Variants in PARVB observed in about 807,000 individuals in gnomAD.
PARVB encodes parvin beta.
Under a neutral mutation model 47.0 loss-of-function variants are expected in PARVB, and 46 were observed. The ratio of observed to expected loss-of-function variants is 0.98; its 90% CI spans 0.77 to 1.25. The LOEUF (loss-of-function observed/expected upper bound fraction) is 1.25, where lower values mean the gene tolerates loss of function less well. Among genes scored for constraint, PARVB ranks in the 50% most tolerant of loss-of-function variants. The probability of loss-of-function intolerance (pLI) is 0.00; values close to 1 mark genes in which losing one functional copy is unlikely to be tolerated. For synonymous variants in PARVB, 196 were observed against 196.3 expected (o/e 1.00, Z 0.01); for missense variants, 473 against 471.6 (o/e 1.00, Z -0.03).
chr22:44,009,460 T>C (rs1412280962), intron 2 of PARVB: 1 of 152,180 alleles, frequency 6.6e-6, no homozygotes, highest in Non-Finnish European at 1.5e-5. Context: ...CAACTTGTTA[T>C]TTTTTTGTAC....
rs778282382 is a variant in PARVB, at chr22:44,069,181, G to A, written c.113-24747G>A. On this transcript the variant is annotated intron_variant, in intron 1 of 12. Coordinates refer to ENST00000338758, the MANE Select transcript of PARVB (RefSeq NM_013327.5). ...CTCGCCAGTGAGTTCTGTTGCTTTC[G>A]TATCATTTTCAGCAGGAGCTAAACC... The A allele has an allele frequency of 4.7e-5, 75 of 1,606,762 alleles. No homozygotes were observed. The South Asian group carries it at 5.6e-4, about 12-fold the overall frequency.
chr22:44,020,732 C>T (rs2050637884), upstream of PARVB, among the ~76,000 whole-genome samples: 1 of 152,048 alleles, frequency 6.6e-6, no homozygotes, highest in South Asian at 2.1e-4. Flanking sequence ...GTGCACCACC[C>T]TCAGGAACCT....
At chr22:44,141,539 G>A (rs1290418357) in intron 8 of PARVB, 1 of 152,184 alleles carries the variant, frequency 6.6e-6, no homozygotes, top group African/African-American at 2.4e-5. Context: ...CCTGGATTAA[G>A]GGTGGTCTGC....
intron 1 of PARVB, among the ~76,000 whole-genome samples, chr22:44,030,164 T>C (rs73888820): frequency 0.034 from 5,239 of 152,284 alleles, 245 homozygotes; most frequent in East Asian, 0.098. Flanking sequence ...GGGCCTGCAC[T>C]GCCCCCGCCT....
chr22:44,132,963 C>T lies in PARVB; in HGVS notation c.587C>T (p.Pro196Leu), dbSNP rs1319168534. ...LVSLAMHFRAPIRLPEHVTVQ... is the reference protein window; with the variant it reads ...LVSLAMHFRALIRLPEHVTVQ... ...TCTCTGGCCATGCACTTCAGGGCCC[C>T]CATCCGCCTTCCTGAGCATGTAACG... is the stretch of plus-strand genomic sequence containing the variant. The change falls in exon 6 of 13, where the codon CCC (proline) becomes CTC (leucine). Residue 196 changes from proline (P) to leucine (L), a missense_variant. By Grantham distance (98) the Pro-to-Leu change is moderately conservative. Transcript: ENST00000338758. 1 of 1,614,114 alleles carries T rather than the reference C, an allele frequency of 6.2e-7. No individual in the cohort carries two copies. The highest frequency in any genetic ancestry group is 8.5e-7 in the Non-Finnish European group (1 of 1,179,994).
At chr22:44,152,084 C>T (rs1277519719) in intron 10 of PARVB, 1 of 153,852 alleles carries the variant, frequency 6.5e-6, no homozygotes, top group Non-Finnish European at 1.4e-5. Flanking sequence ...CTATGTAAAC[C>T]CTGTTTCCAG....
chr22:44,077,757 A>G (rs1365781803), intron 1 of PARVB, among the ~76,000 whole-genome samples: 4 of 152,010 alleles, frequency 2.6e-5, no homozygotes, highest in Non-Finnish European at 5.9e-5. Context: ...CTTCTGAGAC[A>G]GTGTCTCATT....
chr22:44,129,735 T>C (rs1329219239), intron 4 of PARVB, among the ~76,000 whole-genome samples: 1 of 152,226 alleles, frequency 6.6e-6, no homozygotes, highest in East Asian at 1.9e-4. Context: ...GGGAATCGTT[T>C]CCACTCCCCT....
At chr22:44,083,757 G>T (rs915949161) in intron 1 of PARVB, among the ~76,000 whole-genome samples, 2 of 152,064 alleles carry the variant, frequency 1.3e-5, no homozygotes, top group Admixed American at 1.3e-4. Context: ...AACAGTCATC[G>T]GGTACCACTA....
At position 44,163,835 on chromosome 22, in the gene PARVB, G is replaced by T. The variant is rs945089788; in HGVS notation, c.946-23G>T. 1.9e-6 allele frequency: 3 copies of T among 1,597,246 alleles called. No individual in the cohort carries two copies. The Admixed American group carries it at 5.1e-5, about 27-fold the overall frequency. On this transcript the variant is annotated intron_variant, in intron 11 of 12. Coordinates refer to ENST00000338758, the MANE Select transcript of PARVB (RefSeq NM_013327.5). ...GGAACGACTGTTGGACCCTAACGCT[G>T]ACCCACCCCCCTTCCTTGGCAGGTC...
intron 1 of PARVB, among the ~76,000 whole-genome samples, chr22:44,031,823 G>A (rs2267599): frequency 0.23 from 34,455 of 151,982 alleles, 4,922 homozygotes; most frequent in African/African-American, 0.41. Flanking sequence ...TAAGTGCTCC[G>A]TTGGATTGAT....
At chr22:44,074,833 C>T (rs916680117) in intron 1 of PARVB, among the ~76,000 whole-genome samples, 1 of 152,238 alleles carries the variant, frequency 6.6e-6, no homozygotes, top group African/African-American at 2.4e-5. Flanking sequence ...GGAGTCATCC[C>T]CTGCCCCTGG....
rs201563591 is a variant in PARVB at position 44,055,074 on chromosome 22, G to GA, written c.112+30632dup. Among the ~76,000 whole-genome samples the GA allele has an allele frequency of 1.8e-3, 257 of 142,612 alleles. 1 individual carries two copies. Among genetic ancestry groups the GA allele is most frequent in the South Asian group, 6.0e-3 (26 of 4,358 alleles). 93.6% of individuals were successfully genotyped at this position (142,612 alleles called of 152,430 possible). A position where few individuals can be genotyped will look rare whatever the true frequency, so the allele number is the denominator to read the frequency against. ...TGTACCTTACTACAATTGAAAGAAT[G>GA]AAAAAAAAATACTGGGAAATACATT... is the stretch of plus-strand genomic sequence containing the variant. On this transcript the variant is annotated intron_variant, in intron 1 of 12. Transcript: ENST00000338758.
intron 1 of PARVB, among the ~76,000 whole-genome samples, chr22:44,052,763 C>G (rs933916656): frequency 6.6e-6 from 1 of 152,080 alleles, no homozygotes; most frequent in Admixed American, 6.6e-5. Context: ...AGCAACATAG[C>G]AAGACCCTGT....
intron 1 of PARVB, among the ~76,000 whole-genome samples, chr22:44,028,392 A>G (rs1306369220): frequency 6.6e-6 from 1 of 151,730 alleles, no homozygotes; most frequent in Admixed American, 6.6e-5. Context: ...TCTAGTTGTG[A>G]TCATAAAGTG....
chr22:44,131,137 CT>C (rs2053307764), intron 4 of PARVB, among the ~76,000 whole-genome samples: 1 of 137,886 alleles, frequency 7.3e-6, no homozygotes, highest in Non-Finnish European at 1.5e-5. Context: ...CTTTCTTTCT[CT>C]CTCTCTCTCT....
At chr22:44,078,688 A>G (rs1452931403) in intron 1 of PARVB, among the ~76,000 whole-genome samples, 2 of 152,194 alleles carry the variant, frequency 1.3e-5, no homozygotes, top group Non-Finnish European at 2.9e-5. Context: ...CCAGCCTTCC[A>G]TAGAGGCAGT....
chr22:44,016,915 G>A (rs1430361851), intron 2 of PARVB, among the ~76,000 whole-genome samples: 1 of 151,974 alleles, frequency 6.6e-6, no homozygotes, highest in African/African-American at 2.4e-5. Context: ...CACTCTTGTT[G>A]CCCAGGCTGG....
At chr22:44,098,251 C>G (rs1440361032) in intron 2 of PARVB, among the ~76,000 whole-genome samples, 2 of 152,216 alleles carry the variant, frequency 1.3e-5, no homozygotes, top group Non-Finnish European at 2.9e-5. Context: ...GACTCACGGC[C>G]TGGCCCTGCT....
Sources: allele counts gnomAD v4.1 joint callset (sites outside exome capture counted in the v4.1 genomes callset), GRCh38; gene constraint gnomAD v4.1.1; transcripts MANE v1.5; gene names NCBI Gene and HGNC (gene_info 2026-07-23, HGNC 2026-07-21).